The following AGTRAP variants were observed in gnomAD, a reference collection of about 807,000 sequenced individuals.
AGTRAP encodes type-1 angiotensin II receptor-associated protein.
A neutral mutation model predicts 15.2 loss-of-function variants in AGTRAP; 7 were observed. The ratio of observed to expected loss-of-function variants is 0.46; its 90% CI spans 0.26 to 0.87. The LOEUF is 0.87. Among genes scored for constraint, AGTRAP ranks in the 40% least tolerant of loss-of-function variants. AGTRAP has a pLI of 0.15. For synonymous variants in AGTRAP, 74 were observed against 89.6 expected (o/e 0.83, Z 0.98); for missense variants, 187 against 213.4 (o/e 0.88, Z 0.77).
rs1242477974 is a variant in AGTRAP at position 11,750,164 on chromosome 1, G to A, written c.452G>A (p.Gly151Asp). 3 of 1,613,736 alleles carry A rather than the reference G, an allele frequency of 1.9e-6. No individual in the cohort carries two copies. In the African/African-American group the frequency reaches 4.0e-5, roughly 22 times the overall value. The change falls in exon 5 of 5, where the codon GGC becomes GAC. Residue 151 changes from glycine (G) to aspartate (D), a missense_variant. By Grantham distance (94) the Gly-to-Asp change is moderately conservative. Transcript: ENST00000314340. ...APADPFAVPE[G>D]RSQDARGY ...GCAGATCCCTTTGCAGTCCCAGAGG[G>A]CAGGAGTCAAGATGCCCGAGGGTAC...
intron 4 of AGTRAP, among the ~76,000 whole-genome samples, chr1:11,748,815 C>A (rs1040541706): frequency 3.3e-5 from 5 of 152,188 alleles, no homozygotes; most frequent in African/African-American, 1.2e-4. Context: ...CCTGGTTGTC[C>A]TGGTCTGCCG....
chr1:11,736,370 CG>C, intron 1 of AGTRAP, 135 bp downstream of exon 1: 3 of 1,253,776 alleles, frequency 2.4e-6, no homozygotes, highest in Non-Finnish European at 3.3e-6. Context: ...ACAGACCCCA[CG>C]CAAGAAGGAG....
At chr1:11,738,358 C>T (rs1280618548) in intron 1 of AGTRAP, among the ~76,000 whole-genome samples, 2 of 152,210 alleles carry the variant, frequency 1.3e-5, no homozygotes, top group African/African-American at 4.8e-5. Context: ...AAGCCCTGTC[C>T]ATGTCTCTTG....
chr1:11,736,147 C>A lies in AGTRAP; in HGVS notation c.-62C>A. ...GGGCGGGGCCGGGCAAGTTTGTTCC[C>A]CGAGTTCGGAGCCTAGGAGCCCCCC... On this transcript the variant is annotated 5_prime_UTR_variant, in exon 1 of 5. Transcript: ENST00000314340. 1 of 1,566,000 alleles carries A rather than the reference C, an allele frequency of 6.4e-7. No individual in the cohort carries two copies. The highest frequency in any genetic ancestry group is 8.7e-7 in the Non-Finnish European group (1 of 1,155,388).
intron 3 of AGTRAP, among the ~76,000 whole-genome samples, chr1:11,747,961 G>A (rs1013027521): frequency 1.2e-4 from 18 of 152,170 alleles, no homozygotes; most frequent in Non-Finnish European, 1.8e-4. Flanking sequence ...CTGCCCCACC[G>A]AAACCTCCCA....
In AGTRAP at chr1:11,750,127, G is replaced by T; in HGVS notation, c.415G>T (p.Ala139Ser). The change falls in exon 5 of 5, where the codon GCA becomes TCA. Residue 139 changes from alanine to serine, a missense_variant. Transcript: ENST00000314340. Reference protein sequence around the residue: ...DRSAYQTIDSAEAPADPFAVP... With the variant: ...DRSAYQTIDSSEAPADPFAVP... ...TAGTGCCTACCAGACGATTGACTCA[G>T]CAGAGGCGCCCGCAGATCCCTTTGC... The T allele has an allele frequency of 6.2e-7, 1 of 1,614,098 alleles. No individual in the cohort carries two copies. The highest frequency in any genetic ancestry group is 8.5e-7 in the Non-Finnish European group (1 of 1,180,022).
chr1:11,746,794 G>A (rs6660106), intron 2 of AGTRAP: 3 of 156,682 alleles, frequency 1.9e-5, no homozygotes, highest in African/African-American at 4.8e-5. Flanking sequence ...GCAAGTGATC[G>A]GTGTTCACTA....
At chr1:11,742,078 C>G (rs1570340531) in intron 1 of AGTRAP, among the ~76,000 whole-genome samples, 1 of 152,360 alleles carries the variant, frequency 6.6e-6, no homozygotes, top group African/African-American at 2.4e-5. Flanking sequence ...CATGTGTGGA[C>G]CTTTCTCACA....
chr1:11,742,142 C>T (rs1157576087), intron 1 of AGTRAP, among the ~76,000 whole-genome samples: 1 of 152,238 alleles, frequency 6.6e-6, no homozygotes, highest in Non-Finnish European at 1.5e-5. Context: ...AGGTTGGGTG[C>T]ACTGGTTTTG....
chr1:11,750,144 T>A lies in AGTRAP; in HGVS notation c.432T>A (p.Asp144Glu). The part of the protein sequence containing the change: ...QTIDSAEAPA[D>E]PFAVPEGRSQ... ...TTGACTCAGCAGAGGCGCCCGCAGA[T>A]CCCTTTGCAGTCCCAGAGGGCAGGA... Residue 144 changes from aspartate (D) to glutamate (E), a missense_variant, in exon 5 of 5, where the codon GAT becomes GAA. Coordinates refer to ENST00000314340, the MANE Select transcript of AGTRAP (RefSeq NM_020350.5). 6 of 1,614,002 alleles carry A rather than the reference T, an allele frequency of 3.7e-6. No homozygotes were observed. Among genetic ancestry groups the A allele is most frequent in the African/African-American group, 1.3e-5 (1 of 75,000 alleles).
chr1:11,740,234 A>G (rs1483644623), intron 1 of AGTRAP, among the ~76,000 whole-genome samples: 2 of 152,224 alleles, frequency 1.3e-5, no homozygotes, highest in African/African-American at 4.8e-5. Flanking sequence ...TTGTCCTGAC[A>G]GTTACTGGCC....
chr1:11,738,559 C>T (rs1641952990), intron 1 of AGTRAP, among the ~76,000 whole-genome samples: 1 of 152,162 alleles, frequency 6.6e-6, no homozygotes, highest in Non-Finnish European at 1.5e-5. Context: ...CTCACAGGCA[C>T]TGTGTGGAGC....
chr1:11,748,489 C>T lies in AGTRAP; in HGVS notation c.243C>T (p.Leu81=), dbSNP rs370849602. 1.8e-5 allele frequency: 29 copies of T among 1,613,512 alleles called. 1 individual carries two copies. The highest frequency in any genetic ancestry group is 2.5e-5 in the Non-Finnish European group (29 of 1,180,028). Reference sequence around the variant, plus strand: ...GCATCTTCTACCCGCGGGTCAGCCTCACGGACACGGGCCGCTTTGGCGTGG... The same window carrying T: ...GCATCTTCTACCCGCGGGTCAGCCTTACGGACACGGGCCGCTTTGGCGTGG... ...HISIFYPRVS[L]TDTGRFGVGM... Residue 81 remains leucine (L), a synonymous_variant, in exon 4 of 5, where the codon CTC becomes CTT. Coordinates refer to ENST00000314340, the MANE Select transcript of AGTRAP (RefSeq NM_020350.5).
Position 11,748,611 on chromosome 1 carries a change from G to A in AGTRAP, c.364+1G>A, listed in dbSNP as rs770317840. The A allele has an allele frequency of 1.2e-6, 2 of 1,604,038 alleles. No individual in the cohort carries two copies. The highest frequency in any genetic ancestry group is 1.7e-5 in the Admixed American group (1 of 59,974). ...GGGGGTGAGCTCCTGGTCCACACTGGTGAGGCCACCACCTCCAGCCAGCTC... is the reference window on the plus strand; with the variant it reads ...GGGGGTGAGCTCCTGGTCCACACTGATGAGGCCACCACCTCCAGCCAGCTC... On this transcript the variant is annotated splice_donor_variant, in intron 4 of 4. Coordinates refer to ENST00000314340, the MANE Select transcript of AGTRAP (RefSeq NM_020350.5). LOFTEE classifies it high-confidence loss of function.
chr1:11,745,664 G>A lies in AGTRAP; in HGVS notation c.28-139G>A, dbSNP rs955555047. The A allele has an allele frequency of 1.2e-5, 11 of 893,224 alleles. No individual in the cohort carries two copies. In the African/African-American group the frequency reaches 1.8e-4, roughly 15 times the overall value. 55.3% of individuals were successfully genotyped at this position (893,224 alleles called of 1,614,324 possible). On this transcript the variant is annotated intron_variant, in intron 1 of 4. Transcript: ENST00000314340. This position sits in a 1 kb window ranked among gnomAD's most constrained non-coding sequence, Gnocchi z 4.2. ...TCCTGGGCCACCTGCAGTTGCTGGTGTGCCTTTTCAACAGACATTACTGAG... is the reference window on the plus strand; with the variant it reads ...TCCTGGGCCACCTGCAGTTGCTGGTATGCCTTTTCAACAGACATTACTGAG...
At chr1:11,748,666 CCTCCAGCCTCT>C in intron 4 of AGTRAP, 56 bp downstream of exon 4, 1 of 1,559,890 alleles carries the variant, frequency 6.4e-7, no homozygotes, top group Non-Finnish European at 8.7e-7. Context: ...CCTTGCCTGG[CCTCCAGCCTCT>C]CCCTCAGTGA....
At position 11,748,596 on chromosome 1, in the gene AGTRAP, T is replaced by C; in HGVS notation, c.350T>C (p.Leu117Pro). The change falls in exon 4 of 5, where the codon CTC becomes CCC. Residue 117 changes from leucine to proline, a missense_variant. By Grantham distance (98) the Leu-to-Pro change is moderately conservative. Transcript: ENST00000314340. ...ATGTACCGGGAGCGCGGGGGTGAGCTCCTGGTCCACACTGGTGAGGCCACC... is the reference window on the plus strand; with the variant it reads ...ATGTACCGGGAGCGCGGGGGTGAGCCCCTGGTCCACACTGGTGAGGCCACC... ...YHMYRERGGELLVHTGFLGSS... is the reference protein window; with the variant it reads ...YHMYRERGGEPLVHTGFLGSS... 1 of 1,607,532 alleles carries C rather than the reference T, an allele frequency of 6.2e-7. No individual in the cohort carries two copies. Among genetic ancestry groups the C allele is most frequent in the Non-Finnish European group, 8.5e-7 (1 of 1,179,892 alleles).
chr1:11,746,264 G>C, intron 2 of AGTRAP: 2 of 1,501,240 alleles, frequency 1.3e-6, no homozygotes, highest in South Asian at 2.4e-5. Context: ...TCACGACCTT[G>C]AGAAGCAGGG....
chr1:11,742,944 C>T (rs1478136900), intron 1 of AGTRAP, among the ~76,000 whole-genome samples: 3 of 152,250 alleles, frequency 2.0e-5, no homozygotes, highest in African/African-American at 7.2e-5. Flanking sequence ...GCCTCTGCCC[C>T]AGGCATGTGG....
Sources: gnomAD v4.1 joint callset for allele counts (sites outside exome capture counted in the v4.1 genomes callset) on GRCh38, gnomAD v4.1.1 for gene constraint, Gnocchi (gnomAD v3.1) non-coding constraint, MANE v1.5 for transcripts, NCBI Gene and HGNC (gene_info 2026-07-23, HGNC 2026-07-21) for gene names.